The following DCBLD1 variants were observed in gnomAD, a reference collection of about 807,000 sequenced individuals.
DCBLD1 encodes discoidin, CUB and LCCL domain-containing protein 1.
In DCBLD1, 57 loss-of-function variants were observed where a neutral mutation model predicts 71.5. The ratio of observed to expected loss-of-function variants is 0.80; its 90% CI spans 0.64 to 0.99. The LOEUF is 0.99. DCBLD1 is among the 50% of genes least tolerant of loss of function. DCBLD1 has a pLI of 0.00. For missense variants in DCBLD1, 891 were observed against 923.5 expected (o/e 0.96, Z 0.46); for synonymous variants, 380 against 363.8 (o/e 1.04, Z -0.51).
chr6:117,545,700 GGGTCCAGTAAATCT>G, intron 14 of DCBLD1, 103 bp downstream of exon 14: 1 of 1,458,666 alleles, frequency 6.9e-7, no homozygotes, highest in South Asian at 1.4e-5. Context: ...TATTTAGATA[GGGTCCAGTAAATCT>G]GAAATGTGTT....
At chr6:117,561,778 C>G (rs936303161) in intron 14 of DCBLD1, 5 of 207,132 alleles carry the variant, frequency 2.4e-5, no homozygotes, top group African/African-American at 1.1e-4. Context: ...TGAACACCAC[C>G]ACCCAAAACA....
intron 14 of DCBLD1, among the ~76,000 whole-genome samples, chr6:117,565,728 C>T (rs1268817143): frequency 6.6e-6 from 1 of 152,188 alleles, no homozygotes; most frequent in Admixed American, 6.5e-5. Flanking sequence ...CATTTTATCA[C>T]TGGCAATAAA....
intron 5 of DCBLD1, among the ~76,000 whole-genome samples, chr6:117,528,267 A>G (rs1274666226): frequency 6.6e-6 from 1 of 152,208 alleles, no homozygotes; most frequent in Non-Finnish European, 1.5e-5. Flanking sequence ...TTTGTGAAGA[A>G]AACATTATTG....
At chr6:117,538,499 T>C in intron 7 of DCBLD1, 121 bp from the exon 8 acceptor site, 4 of 899,250 alleles carry the variant, frequency 4.4e-6, no homozygotes, top group South Asian at 1.7e-5. Flanking sequence ...TTAAACACTT[T>C]ATTCCATATC....
intron 6 of DCBLD1, among the ~76,000 whole-genome samples, chr6:117,536,794 C>A (rs1554266938): frequency 6.6e-6 from 1 of 152,172 alleles, no homozygotes; most frequent in Non-Finnish European, 1.5e-5. Flanking sequence ...GGGCAGTAAT[C>A]CTTTCTGTCT....
intron 2 of DCBLD1, chr6:117,508,041 G>C (rs1224205114): frequency 6.6e-6 from 1 of 152,096 alleles, no homozygotes; most frequent in Non-Finnish European, 1.5e-5. Flanking sequence ...GTGTCTTCCT[G>C]GAGCAGTTCT....
chr6:117,551,200 G>A (rs1779421305), downstream of DCBLD1, among the ~76,000 whole-genome samples: 2 of 152,182 alleles, frequency 1.3e-5, no homozygotes, highest in South Asian at 4.2e-4. Flanking sequence ...ATTTGTTTCT[G>A]TTCACATTGC....
intron 1 of DCBLD1, among the ~76,000 whole-genome samples, chr6:117,497,987 A>C (rs1271932881): frequency 3.9e-5 from 6 of 152,230 alleles, no homozygotes; most frequent in Non-Finnish European, 7.3e-5. Flanking sequence ...TTCTGTATTA[A>C]AGTGTTTTCA....
chr6:117,515,150 G>T (rs957065028), intron 2 of DCBLD1, among the ~76,000 whole-genome samples: 1 of 151,608 alleles, frequency 6.6e-6, no homozygotes, highest in African/African-American at 2.4e-5. Flanking sequence ...CTCCCAAGTA[G>T]CTGGGATTAC....
At position 117,539,301 on chromosome 6, in the gene DCBLD1, T is replaced by C. The variant is rs748076563; in HGVS notation, c.1023T>C (p.Val341=). The change falls in exon 9 of 15, where the codon GTT becomes GTC. Residue 341 remains valine (V), a synonymous_variant. Coordinates refer to ENST00000338728, the MANE Select transcript of DCBLD1 (RefSeq NM_001366458.2). Reference sequence around the variant, plus strand: ...CACAGTCGAACTTCAACTTTTATGTTAAGAGTTTTGTGATGAACTTCAAAA... The same window carrying C: ...CACAGTCGAACTTCAACTTTTATGTCAAGAGTTTTGTGATGAACTTCAAAA... ...GSTQSNFNFY[V]KSFVMNFKNN... 1.9e-6 allele frequency: 3 copies of C among 1,607,980 alleles called. No homozygotes were observed. Among genetic ancestry groups the C allele is most frequent in the Non-Finnish European group, 2.5e-6 (3 of 1,178,348 alleles).
chr6:117,491,382 T>C (rs1381744919), intron 1 of DCBLD1, among the ~76,000 whole-genome samples: 1 of 152,226 alleles, frequency 6.6e-6, no homozygotes, highest in Non-Finnish European at 1.5e-5. Flanking sequence ...GCCAAGAGAC[T>C]AAAATAGGAG....
chr6:117,567,318 T>G (rs1052923182), intron 14 of DCBLD1, among the ~76,000 whole-genome samples: 1 of 152,220 alleles, frequency 6.6e-6, no homozygotes, highest in African/African-American at 2.4e-5. Context: ...TGCTTAATTA[T>G]TAAATTTATA....
chr6:117,548,044 G>C lies in DCBLD1; in HGVS notation c.1753G>C (p.Gly585Arg). The C allele has an allele frequency of 4.5e-6, 7 of 1,549,272 alleles. No homozygotes were observed. Among genetic ancestry groups the C allele is most frequent in the Non-Finnish European group, 6.1e-6 (7 of 1,146,252 alleles). ...CCACTATGACTGCCCGCAGCGGGCC[G>C]GCCGCCACGAGTACGCGCTGCCCCT... ...GGHYDCPQRA[G>R]RHEYALPLAP... The change falls in exon 15 of 15, where the codon GGC (glycine) becomes CGC (arginine). Residue 585 changes from glycine to arginine, a missense_variant. By Grantham distance (125) the Gly-to-Arg change is moderately radical (BLOSUM62 -2). Coordinates refer to ENST00000338728, the MANE Select transcript of DCBLD1 (RefSeq NM_001366458.2).
At chr6:117,496,412 T>G (rs779045676) in intron 1 of DCBLD1, among the ~76,000 whole-genome samples, 4 of 152,234 alleles carry the variant, frequency 2.6e-5, no homozygotes, top group Non-Finnish European at 5.9e-5. Flanking sequence ...GGTAAAAAGC[T>G]AAGCACAATT....
At chr6:117,546,669 A>G (rs998326825) in intron 14 of DCBLD1, among the ~76,000 whole-genome samples, 9 of 152,028 alleles carry the variant, frequency 5.9e-5, no homozygotes, top group Non-Finnish European at 1.0e-4. Flanking sequence ...TAAATGTGCA[A>G]TGACCCGGGT....
chr6:117,548,203 G>A lies in DCBLD1; in HGVS notation c.1912G>A (p.Gly638Ser). 1.3e-6 allele frequency: 2 copies of A among 1,550,456 alleles called. No individual in the cohort carries two copies. Among genetic ancestry groups the A allele is most frequent in the Non-Finnish European group, 1.7e-6 (2 of 1,146,948 alleles). The stretch of plus-strand genomic sequence containing the variant: ...CCACAAACACTCCCTCTCCTCGGGC[G>A]GCTTCTCCCCCGTAGCGGGTGTGGG... ...PGHKHSLSSG[G>S]FSPVAGVGAQ... is the part of the protein sequence containing the mutation. Residue 638 changes from glycine to serine, a missense_variant, in exon 15 of 15, where the codon GGC becomes AGC. By Grantham distance (56) the Gly-to-Ser change is moderately conservative. Transcript: ENST00000338728.
At chr6:117,497,563 C>T (rs1326621043) in intron 1 of DCBLD1, among the ~76,000 whole-genome samples, 13 of 152,134 alleles carry the variant, frequency 8.5e-5, no homozygotes, top group Admixed American at 8.5e-4. Context: ...AGGTAGAGAC[C>T]TATCCATTAA....
chr6:117,547,888 A>G lies in DCBLD1; in HGVS notation c.1616-19A>G, dbSNP rs1303873997. 1 of 1,550,388 alleles carries G rather than the reference A, an allele frequency of 6.4e-7. No individual in the cohort carries two copies. The highest frequency in any genetic ancestry group is 8.7e-7 in the Non-Finnish European group (1 of 1,146,886). On this transcript the variant is annotated intron_variant, in intron 14 of 14. Transcript: ENST00000338728. The stretch of plus-strand genomic sequence containing the variant: ...CCGTGTGTGGTGCCCGCTAGCTGCC[A>G]TCTGTCTTGTGGTTTCAGATTACCA...
chr6:117,519,129 C>T (rs1355129191), intron 2 of DCBLD1, among the ~76,000 whole-genome samples: 11 of 152,098 alleles, frequency 7.2e-5, no homozygotes, highest in African/African-American at 1.9e-4. Context: ...GAAGAGTTTT[C>T]GTTATTTTAA....
Sources: allele counts gnomAD v4.1 joint callset (sites outside exome capture counted in the v4.1 genomes callset), GRCh38; gene constraint gnomAD v4.1.1; transcripts MANE v1.5; gene names NCBI Gene and HGNC (gene_info 2026-07-23, HGNC 2026-07-21).